The following ASH2L variants were observed in gnomAD, a reference collection of about 807,000 sequenced individuals.
The protein encoded by ASH2L is ASH2 like, histone lysine methyltransferase complex subunit.
A neutral mutation model predicts 81.1 loss-of-function variants in ASH2L; 30 were observed. The observed-to-expected ratio is 0.37, with a 90% CI of 0.28 to 0.50. The LOEUF is 0.50. Among genes scored for constraint, ASH2L ranks in the 20% least tolerant of loss-of-function variants. The pLI is 0.95. For missense variants in ASH2L, 559 were observed against 792.1 expected, an observed-to-expected ratio of 0.71 and a Z score of 3.53; for synonymous variants, 273 against 279.9, an observed-to-expected ratio of 0.98 and a Z score of 0.24.
At chr8:38,116,340 TGGGTGACAA>T (rs1810897616) in intron 7 of ASH2L, among the ~76,000 whole-genome samples, 1 of 152,008 alleles carries the variant, frequency 6.6e-6, no homozygotes, top group African/African-American at 2.4e-5. Context: ...CACTCCAGCC[TGGGTGACAA>T]GAGTGAAACT....
intron 3 of ASH2L, 90 bp downstream of exon 3, chr8:38,107,256 A>T: frequency 6.5e-7 from 1 of 1,531,800 alleles, no homozygotes; most frequent in Non-Finnish European, 9.0e-7. Context: ...AATAAATGCA[A>T]AGTATTTCCT....
intron 14 of ASH2L, among the ~76,000 whole-genome samples, chr8:38,135,976 C>T (rs1178273389): frequency 6.6e-6 from 1 of 152,032 alleles, no homozygotes; most frequent in Admixed American, 6.6e-5. Flanking sequence ...TTTGTGTGCG[C>T]CATACTTTTC....
At chr8:38,107,868 A>ATGTG (rs10542885) in intron 3 of ASH2L, among the ~76,000 whole-genome samples, 9,871 of 141,376 alleles carry the variant, frequency 0.07, 361 homozygotes, top group Middle Eastern at 0.12. Context: ...AAATACATAT[A>ATGTG]TGTGTGTGTG....
At chr8:38,121,459 C>A (rs1293055293) in intron 10 of ASH2L, among the ~76,000 whole-genome samples, 1 of 149,210 alleles carries the variant, frequency 6.7e-6, no homozygotes, top group Non-Finnish European at 1.5e-5. Context: ...TCTCATCAAG[C>A]TTTTCCTAAT....
intron 2 of ASH2L, among the ~76,000 whole-genome samples, 171 bp from the exon 3 acceptor site, chr8:38,106,850 G>A (rs1810455649): frequency 6.6e-6 from 1 of 150,650 alleles, no homozygotes; most frequent in Admixed American, 6.6e-5. Flanking sequence ...ATACATTCAG[G>A]CCAGGCACGG....
Position 38,128,470 on chromosome 8 carries a change from C to T in ASH2L, c.1333+12C>T. On this transcript the variant is annotated intron_variant, in intron 11 of 15. Transcript: ENST00000343823. Reference sequence around the variant, plus strand: ...GTCCCAGCCCCTAGGTAAGCTGGGGCCTTAATATGGACATCACAGCAGATA... The same window carrying T: ...GTCCCAGCCCCTAGGTAAGCTGGGGTCTTAATATGGACATCACAGCAGATA... 6.2e-7 allele frequency: 1 copy of T among 1,612,664 alleles called. No homozygotes were observed. Among genetic ancestry groups the T allele is most frequent in the East Asian group, 2.2e-5 (1 of 44,870 alleles).
intron 14 of ASH2L, 32 bp from the exon 15 acceptor site, chr8:38,138,784 T>G (rs1278419207): frequency 1.2e-6 from 2 of 1,604,826 alleles, no homozygotes; most frequent in Non-Finnish European, 1.7e-6. Context: ...TGTCCATTTT[T>G]TCCATGTCTG....
intron 5 of ASH2L, among the ~76,000 whole-genome samples, chr8:38,112,715 C>G (rs1810738089): frequency 6.6e-6 from 1 of 152,162 alleles, no homozygotes; most frequent in Non-Finnish European, 1.5e-5. Context: ...TATCTTTGTG[C>G]TAAGTAATCC....
Position 38,129,923 on chromosome 8 carries a change from A to G in ASH2L, c.1527+972A>G, listed in dbSNP as rs1052600657. ...GGGCTACTATGAGCAAGATGCTATG[A>G]ATATTCTTGTACAGTCTTTTTGGAT... is the stretch of plus-strand genomic sequence containing the variant. On this transcript the variant is annotated intron_variant, in intron 12 of 15. Coordinates refer to ENST00000343823, the MANE Select transcript of ASH2L (RefSeq NM_004674.5). 1.5e-4 allele frequency among the ~76,000 whole-genome samples: 23 copies of G among 152,180 alleles called. 1 individual carries two copies. Among genetic ancestry groups the G allele is most frequent in the Admixed American group, 8.5e-4 (13 of 15,264 alleles).
chr8:38,114,369 G>T, intron 6 of ASH2L, 82 bp downstream of exon 6: 1 of 874,546 alleles, frequency 1.1e-6, no homozygotes. Context: ...GTCTCATTGT[G>T]AAATGATAAA....
At chr8:38,122,034 G>A (rs544284343) in intron 10 of ASH2L, among the ~76,000 whole-genome samples, 5 of 152,152 alleles carry the variant, frequency 3.3e-5, no homozygotes, top group Non-Finnish European at 7.4e-5. Context: ...TGACTGTGTT[G>A]TATGATGATT....
intron 1 of ASH2L, chr8:38,106,096 A>G: frequency 6.6e-7 from 1 of 1,525,088 alleles, no homozygotes; most frequent in Non-Finnish European, 8.8e-7. Flanking sequence ...AGGGTGGGAG[A>G]GCTGCCTCTC....
intron 10 of ASH2L, among the ~76,000 whole-genome samples, chr8:38,125,563 G>A (rs565886725): frequency 2.6e-5 from 4 of 151,086 alleles, no homozygotes; most frequent in Non-Finnish European, 5.9e-5. Context: ...AGCCGAGATC[G>A]CGCCATTGCA....
intron 6 of ASH2L, chr8:38,114,649 A>G (rs1384463073): frequency 6.9e-6 from 3 of 433,642 alleles, no homozygotes; most frequent in South Asian, 8.7e-5. Context: ...GGAGAAGTCA[A>G]CAGCAAGCTG....
At chr8:38,105,960 A>G (rs1378783388) in intron 1 of ASH2L, 1 of 1,518,944 alleles carries the variant, frequency 6.6e-7, no homozygotes, top group Non-Finnish European at 8.8e-7. Context: ...TCCTGTCGTT[A>G]TCTCTGATCC....
chr8:38,118,013 C>T (rs1478470314), intron 8 of ASH2L, among the ~76,000 whole-genome samples: 12 of 152,134 alleles, frequency 7.9e-5, no homozygotes, highest in Admixed American at 3.9e-4. Context: ...GAGCCGAGAT[C>T]GTGCCACTGC....
At position 38,114,070 on chromosome 8, in the gene ASH2L, G is replaced by A. The variant is rs1267290587; in HGVS notation, c.586-122G>A. On this transcript the variant is annotated intron_variant, in intron 5 of 15. Coordinates refer to ENST00000343823, the MANE Select transcript of ASH2L (RefSeq NM_004674.5). ...GTAAACCTTGTATAACACCGTGGGG[G>A]GAAAAACTAACATGGATTTTTCTCT... 9.8e-6 allele frequency: 6 copies of A among 612,984 alleles called. No individual in the cohort carries two copies. The Admixed American group carries it at 1.0e-4, about 10-fold the overall frequency. 38.0% of individuals were successfully genotyped at this position (612,984 alleles called of 1,614,324 possible). A position where few individuals can be genotyped will look rare whatever the true frequency, so the allele number is the denominator to read the frequency against.
intron 13 of ASH2L, 36 bp downstream of exon 13, chr8:38,133,582 G>A: frequency 6.7e-7 from 1 of 1,488,618 alleles, no homozygotes; most frequent in Non-Finnish European, 9.2e-7. Context: ...GAATCATAAG[G>A]CCTTGAGCGT....
At position 38,139,512 on chromosome 8, in the gene ASH2L, G is replaced by A. The variant is rs1257352248; in HGVS notation, c.*441G>A. On this transcript the variant is annotated 3_prime_UTR_variant, in exon 16 of 16. Transcript: ENST00000343823. ...TTTCTGAGAACACCTGAAATCAATG[G>A]CTATACATTCCAAACCAATCTAAAC... 6.4e-6 allele frequency: 1 copy of A among 155,370 alleles called. No homozygotes were observed. Among genetic ancestry groups the A allele is most frequent in the East Asian group, 1.9e-4 (1 of 5,250 alleles). 9.6% of individuals were successfully genotyped at this position (155,370 alleles called of 1,614,324 possible).
Sources: allele counts gnomAD v4.1 joint callset (sites outside exome capture counted in the v4.1 genomes callset), GRCh38; gene constraint gnomAD v4.1.1; transcripts MANE v1.5; gene names NCBI Gene and HGNC (gene_info 2026-07-23, HGNC 2026-07-21).